SPAST: variants seen among roughly 807,000 people sequenced by gnomAD.
SPAST encodes spastin.
A neutral mutation model predicts 76.6 loss-of-function variants in SPAST; 30 were observed. The observed-to-expected ratio is 0.39, with a 90% CI of 0.29 to 0.53. The LOEUF (loss-of-function observed/expected upper bound fraction) is 0.53. Among genes scored for constraint, SPAST ranks in the 20% least tolerant of loss-of-function variants. SPAST has a pLI of 0.68. For missense variants in SPAST, 717 were observed against 770.5 expected (o/e 0.93, Z 0.82); for synonymous variants, 305 against 281.0 (o/e 1.09, Z -0.86).
intron 4 of SPAST, among the ~76,000 whole-genome samples, chr2:32,108,691 T>G (rs1421413830): frequency 6.6e-6 from 1 of 151,534 alleles, no homozygotes; most frequent in Non-Finnish European, 1.5e-5. Flanking sequence ...GCTCAATCAT[T>G]TCTGCCGCCT....
At chr2:32,110,757 G>GTATATATAGTATACATAGTATAC in intron 4 of SPAST, among the ~76,000 whole-genome samples, 1 of 133,564 alleles carries the variant, frequency 7.5e-6, no homozygotes, top group Non-Finnish European at 1.6e-5. Context: ...ATATAGTATA[G>GTATATATAGTATACATAGTATAC]TATATATAGT....
At chr2:32,138,283 A>G (rs1193973229) in intron 12 of SPAST, among the ~76,000 whole-genome samples, 1 of 152,194 alleles carries the variant, frequency 6.6e-6, no homozygotes, top group Non-Finnish European at 1.5e-5. Flanking sequence ...AGCAGTACAT[A>G]CGCTCCACAA....
chr2:32,068,172 G>T (rs1248327985), intron 1 of SPAST, among the ~76,000 whole-genome samples: 1 of 151,700 alleles, frequency 6.6e-6, no homozygotes, highest in Non-Finnish European at 1.5e-5. Flanking sequence ...TAGAGACGGG[G>T]TTTCACTGTG....
intron 4 of SPAST, among the ~76,000 whole-genome samples, chr2:32,109,955 T>TATATGCATATACATATATAGTTAC (rs1312225361): frequency 2.2e-4 from 29 of 130,404 alleles, no homozygotes; most frequent in East Asian, 2.1e-3. Context: ...GTTACATATG[T>TATATGCATATACATATATAGTTAC]ATATGTATAT....
chr2:32,134,800 A>T (rs1679483021), intron 9 of SPAST, among the ~76,000 whole-genome samples: 1 of 152,020 alleles, frequency 6.6e-6, no homozygotes, highest in South Asian at 2.1e-4. Context: ...GGTTCAAGCA[A>T]TTCTCCCACG....
intron 8 of SPAST, chr2:32,128,137 G>A: frequency 2.6e-6 from 1 of 389,120 alleles, no homozygotes; most frequent in South Asian, 2.3e-5. Flanking sequence ...TGGGATTACA[G>A]GCATGCGCCA....
chr2:32,068,723 C>T (rs1343789678), intron 1 of SPAST, among the ~76,000 whole-genome samples: 1 of 152,008 alleles, frequency 6.6e-6, no homozygotes, highest in African/African-American at 2.4e-5. Flanking sequence ...GATTCATTTT[C>T]CTTTAAAAAT....
intron 3 of SPAST, among the ~76,000 whole-genome samples, chr2:32,091,312 G>T (rs1044931936): frequency 6.8e-6 from 1 of 146,470 alleles, no homozygotes; most frequent in Non-Finnish European, 1.5e-5. Context: ...ATGGAGTCTT[G>T]CTTTGTTGCC....
At chr2:32,078,121 G>T (rs1355118958) in intron 1 of SPAST, among the ~76,000 whole-genome samples, 5 of 151,618 alleles carry the variant, frequency 3.3e-5, no homozygotes. Flanking sequence ...CTCCCAAGTA[G>T]CTGGGACTAC....
rs375585004 is a variant in SPAST, at chr2:32,089,199, A to ATTTTTTTTTTTT, written c.503-315_503-304dup. On this transcript the variant is annotated intron_variant, in intron 2 of 16. Transcript: ENST00000315285. ...CAACTCACCCTCCCATGCTCGGCTA[A>ATTTTTTTTTTTT]TTTTTTTTTTTTTTTTTTTAAGTAG... 8.1e-4 allele frequency among the ~76,000 whole-genome samples: 73 copies of ATTTTTTTTTTTT among 89,876 alleles called. 1 individual carries two copies. The highest frequency in any genetic ancestry group is 1.5e-3 in the East Asian group (3 of 2,064). The allele number at this position is 89,876 out of a possible 152,430, so 59.0% of individuals were successfully genotyped here.
rs139735937 is a variant in SPAST, at chr2:32,091,245, CTATTATTATTATTATTATTATTATTAT to C, written c.586+1666_586+1692del. Among the ~76,000 whole-genome samples the C allele has an allele frequency of 1.3e-4, 16 of 126,892 alleles. No homozygotes were observed. The South Asian group carries it at 3.2e-3, about 25-fold the overall frequency. The allele number at this position is 126,892 out of a possible 152,430, so 83.2% of individuals were successfully genotyped here. A position where few individuals can be genotyped will look rare whatever the true frequency, so the allele number is the denominator to read the frequency against. ...TTTTTATCTAATTTGTAATATGAAGCTATTATTATTATTATTATTATTATTATTATTATTATTATTATTATTATTATT... is the reference window on the plus strand; with the variant it reads ...TTTTTATCTAATTTGTAATATGAAGCTATTATTATTATTATTATTATTATT... On this transcript the variant is annotated intron_variant, in intron 3 of 16. Coordinates refer to ENST00000315285, the MANE Select transcript of SPAST (RefSeq NM_014946.4).
At chr2:32,153,981 A>T (rs1004414408) in intron 16 of SPAST, among the ~76,000 whole-genome samples, 1 of 152,054 alleles carries the variant, frequency 6.6e-6, no homozygotes. Context: ...GGAGGCTGAG[A>T]CAGAAGAATT....
intron 1 of SPAST, among the ~76,000 whole-genome samples, chr2:32,083,776 A>ATTTTTTTTTTTTT (rs1178658126): frequency 6.5e-5 from 3 of 46,088 alleles, no homozygotes; most frequent in African/African-American, 8.9e-5. Flanking sequence ...ATATATATAT[A>ATTTTTTTTTTTTT]TTTTTTTTTT....
intron 3 of SPAST, among the ~76,000 whole-genome samples, chr2:32,097,691 T>C (rs1001548987): frequency 6.2e-5 from 8 of 129,698 alleles, no homozygotes; most frequent in African/African-American, 1.7e-4. Context: ...CTTTTTTTTT[T>C]TCTTTTCTTT....
At chr2:32,123,241 G>A (rs1017272540) in intron 7 of SPAST, among the ~76,000 whole-genome samples, 6 of 148,440 alleles carry the variant, frequency 4.0e-5, no homozygotes, top group South Asian at 2.2e-4. Context: ...CAGCCTGGGG[G>A]ACAGAGCAAG....
chr2:32,082,380 A>C (rs955600034), intron 1 of SPAST, among the ~76,000 whole-genome samples: 1 of 151,956 alleles, frequency 6.6e-6, no homozygotes, highest in Non-Finnish European at 1.5e-5. Context: ...TATACATTAA[A>C]TGTTGGAATA....
At chr2:32,075,416 ACT>A (rs1365770277) in intron 1 of SPAST, among the ~76,000 whole-genome samples, 1 of 117,082 alleles carries the variant, frequency 8.5e-6, no homozygotes, top group Non-Finnish European at 1.8e-5. Flanking sequence ...ACAGAGCGAG[ACT>A]CTGTCTCAAA....
chr2:32,077,057 G>A (rs1455057392), intron 1 of SPAST, among the ~76,000 whole-genome samples: 1 of 152,042 alleles, frequency 6.6e-6, no homozygotes, highest in African/African-American at 2.4e-5. Flanking sequence ...TGTATTTTTA[G>A]TAGAGATGGG....
rs571759326 is a variant in SPAST at position 32,092,655 on chromosome 2, C to T, written c.586+3050C>T. 1.9e-3 allele frequency among the ~76,000 whole-genome samples: 292 copies of T among 152,202 alleles called. 3 individuals carry two copies. The highest frequency in any genetic ancestry group is 1.9e-3 in the Non-Finnish European group (127 of 68,024). Reference sequence around the variant, plus strand: ...TTTAAAGTTGGTGTCTGTTTTCACCCTCAAAAATGCTATTACCTATTTATG... The same window carrying T: ...TTTAAAGTTGGTGTCTGTTTTCACCTTCAAAAATGCTATTACCTATTTATG... On this transcript the variant is annotated intron_variant, in intron 3 of 16. Transcript: ENST00000315285.
Sources: allele counts gnomAD v4.1 joint callset (sites outside exome capture counted in the v4.1 genomes callset), GRCh38; gene constraint gnomAD v4.1.1; transcripts MANE v1.5; gene names NCBI Gene and HGNC (gene_info 2026-07-23, HGNC 2026-07-21).